Variants in MLIP observed in about 807,000 individuals in gnomAD.
The protein encoded by MLIP is muscular LMNA interacting protein, also known as muscular LMNA-interacting protein.
Under a neutral mutation model 84.8 loss-of-function variants are expected in MLIP, and 79 were observed. The ratio of observed to expected loss-of-function variants is 0.93; its 90% CI spans 0.78 to 1.12. The LOEUF is 1.12. MLIP is among the 50% of genes most tolerant of loss of function. MLIP has a pLI of 0.00. For missense variants in MLIP, 1,257 were observed against 1,160.6 expected (o/e 1.08, Z -1.21); for synonymous variants, 504 against 463.0 (o/e 1.09, Z -1.14).
At chr6:54,111,321 A>G (rs1488956575), upstream of MLIP, 2 of 1,270,328 alleles carry the variant, frequency 1.6e-6, no homozygotes, top group Non-Finnish European at 2.1e-6. Context: ...ACAGAAATCT[A>G]CTCTTCGGAG....
At chr6:54,233,351 C>T (rs1486688117) in intron 12 of MLIP, among the ~76,000 whole-genome samples, 1 of 151,748 alleles carries the variant, frequency 6.6e-6, no homozygotes, top group Non-Finnish European at 1.5e-5. Flanking sequence ...CCAACAGGCC[C>T]CAGTGTGTGA....
chr6:54,109,324 C>A (rs713047), upstream of MLIP, among the ~76,000 whole-genome samples: 1,323 of 152,072 alleles, frequency 8.7e-3, 22 homozygotes, highest in African/African-American at 0.031. Flanking sequence ...ATCTGCCTGG[C>A]ACAGAGCTAA....
At position 54,249,734 on chromosome 6, in the gene MLIP, C is replaced by CACACACACAT. The variant is rs145607176; in HGVS notation, c.2923-7573_2923-7572insCACACACATA. On this transcript the variant is annotated intron_variant, in intron 12 of 13. Transcript: ENST00000502396. ...GAACACACACACACACACACACACA[C>CACACACACAT]ATATATATATATACACACACACATA... is the stretch of plus-strand genomic sequence containing the variant. Among the ~76,000 whole-genome samples the CACACACACAT allele has an allele frequency of 3.0e-3, 377 of 127,696 alleles. 2 individuals carry two copies. Among genetic ancestry groups the CACACACACAT allele is most frequent in the African/African-American group, 9.9e-3 (342 of 34,516 alleles). 83.8% of individuals were successfully genotyped at this position (127,696 alleles called of 152,430 possible).
rs148753754 is a variant in MLIP at position 54,137,158 on chromosome 6, C to T, written c.1089C>T (p.Tyr363=). ...CTCTGAAGTCGAATTCGGCCTCGTA[C>T]ATACCAGTCCGCATTGTCACGCATT... ...SASLKSNSAS[Y]IPVRIVTHSL... The change falls in exon 4 of 14, where the codon TAC becomes TAT. Residue 363 remains tyrosine, a synonymous_variant. Coordinates refer to ENST00000502396, the MANE Select transcript of MLIP (RefSeq NM_001281747.2). The T allele has an allele frequency of 8.1e-5, 124 of 1,536,138 alleles. No individual in the cohort carries two copies. The African/African-American group carries it at 1.4e-3, about 17-fold the overall frequency.
At chr6:54,030,680 ATAAT>A (rs1764081560) in intron 1 of MLIP, 2 of 152,050 alleles carry the variant, frequency 1.3e-5, no homozygotes. Context: ...AACACTTCCA[ATAAT>A]TAATTAATTT....
intron 4 of MLIP, among the ~76,000 whole-genome samples, chr6:54,145,462 T>G (rs1026210172): frequency 1.3e-5 from 2 of 151,964 alleles, no homozygotes; most frequent in Admixed American, 1.3e-4. Flanking sequence ...GTGCATGTCA[T>G]GTAGTAGGTA....
intron 1 of MLIP, among the ~76,000 whole-genome samples, chr6:54,073,587 C>G (rs1362847291): frequency 6.6e-6 from 1 of 152,072 alleles, no homozygotes; most frequent in Non-Finnish European, 1.5e-5. Context: ...TTCCCAAAAG[C>G]TTGTTAAAAC....
intron 11 of MLIP, among the ~76,000 whole-genome samples, chr6:54,226,428 G>T (rs939927250): frequency 6.6e-6 from 1 of 152,182 alleles, no homozygotes; most frequent in Non-Finnish European, 1.5e-5. Flanking sequence ...AATACAAAGA[G>T]GAAAGCTCTC....
chr6:54,085,573 T>C (rs1051061269), intron 1 of MLIP, among the ~76,000 whole-genome samples: 10 of 152,188 alleles, frequency 6.6e-5, no homozygotes, highest in African/African-American at 2.2e-4. Flanking sequence ...TTCTCATTTG[T>C]AGCTAGGCTA....
chr6:54,057,887 A>G (rs1765753252), intron 1 of MLIP: 1 of 152,228 alleles, frequency 6.6e-6, no homozygotes, highest in Non-Finnish European at 1.5e-5. Context: ...AGAGGCAAAA[A>G]TAGAGACTAA....
intron 1 of MLIP, among the ~76,000 whole-genome samples, chr6:54,042,611 TG>T (rs1408767642): frequency 1.3e-5 from 2 of 152,174 alleles, no homozygotes; most frequent in Non-Finnish European, 2.9e-5. Flanking sequence ...AGCAGTATTC[TG>T]TGACATGAAC....
At chr6:54,096,648 G>C (rs971780256) in intron 1 of MLIP, among the ~76,000 whole-genome samples, 2 of 152,206 alleles carry the variant, frequency 1.3e-5, no homozygotes, top group South Asian at 4.2e-4. Context: ...AGGCTCCATT[G>C]GGTCTGCTTC....
At chr6:54,110,177 G>T (rs1055934896), upstream of MLIP, among the ~76,000 whole-genome samples, 11 of 151,444 alleles carry the variant, frequency 7.3e-5, no homozygotes, top group Non-Finnish European at 1.5e-4. Context: ...TAGAGACAGG[G>T]TTTCACCATA....
At chr6:54,194,903 T>C (rs1778189784) in intron 10 of MLIP, among the ~76,000 whole-genome samples, 2 of 151,946 alleles carry the variant, frequency 1.3e-5, no homozygotes, top group South Asian at 4.1e-4. Flanking sequence ...GTTTTGAGAT[T>C]TAAGATATTT....
rs373686058 is a variant in MLIP at position 54,075,023 on chromosome 6, G to A, written c.64-46424G>A. ...AGCACTTTGGGAGGCCGAGGTGGGC[G>A]GATCACTTGAGGTCGGGAGTTCAAG... On this transcript the variant is annotated intron_variant, in intron 1 of 12. Transcript: ENST00000274897. 1.4e-4 allele frequency among the ~76,000 whole-genome samples: 21 copies of A among 152,088 alleles called. No homozygotes were observed. In the East Asian group the frequency reaches 3.7e-3, roughly 27 times the overall value.
chr6:54,125,265 G>A (rs1364477347), intron 3 of MLIP, among the ~76,000 whole-genome samples: 2 of 152,076 alleles, frequency 1.3e-5, no homozygotes, highest in Admixed American at 6.6e-5. Context: ...GTGAAAAGAC[G>A]GTAATTGGAC....
At position 54,138,159 on chromosome 6, in the gene MLIP, G is replaced by A. The variant is rs1771983459; in HGVS notation, c.2090G>A (p.Ser697Asn). The change falls in exon 4 of 14, where the codon AGC becomes AAC. Residue 697 changes from serine to asparagine, a missense_variant. By Grantham distance (46) the Ser-to-Asn change is conservative. Transcript: ENST00000502396. Reference protein sequence around the residue: ...TLPSRLGKSESTTPNHRSPVS... With the variant: ...TLPSRLGKSENTTPNHRSPVS... ...CCTTCAAGACTTGGGAAATCTGAAA[G>A]CACCACCCCCAACCACAGGTCACCT... 1 of 1,536,076 alleles carries A rather than the reference G, an allele frequency of 6.5e-7. No homozygotes were observed. Among genetic ancestry groups the A allele is most frequent in the Non-Finnish European group, 8.7e-7 (1 of 1,146,886 alleles).
intron 1 of MLIP, among the ~76,000 whole-genome samples, chr6:54,053,429 C>G (rs985755382): frequency 5.3e-5 from 8 of 152,150 alleles, no homozygotes; most frequent in African/African-American, 1.9e-4. Context: ...TTTTCTCCTA[C>G]TTCTCATTCT....
intron 11 of MLIP, chr6:54,217,363 A>G (rs1779924074): frequency 1.0e-6 from 1 of 985,326 alleles, no homozygotes; most frequent in Non-Finnish European, 1.2e-6. Flanking sequence ...TGATGTTGCA[A>G]TGGAAACAGT....
Sources: gnomAD v4.1 joint callset for allele counts (sites outside exome capture counted in the v4.1 genomes callset) on GRCh38, gnomAD v4.1.1 for gene constraint, MANE v1.5 for transcripts, NCBI Gene and HGNC (gene_info 2026-07-23, HGNC 2026-07-21) for gene names.